Variants in ULK4 observed in about 807,000 individuals in gnomAD.
The protein encoded by ULK4 is inactive serine/threonine-protein kinase ULK4.
A neutral mutation model predicts 160.6 loss-of-function variants in ULK4; 133 were observed. The observed-to-expected ratio is 0.83, with a 90% CI of 0.72 to 0.96. ULK4 has a LOEUF of 0.96. Among genes scored for constraint, ULK4 ranks in the 40% least tolerant of loss-of-function variants. The pLI is 0.00. For synonymous variants in ULK4, 534 were observed against 539.8 expected, an observed-to-expected ratio of 0.99 and a Z score of 0.15; for missense variants, 1,580 against 1,499.5, an observed-to-expected ratio of 1.05 and a Z score of -0.89.
At chr3:41,590,443 C>T (rs2031204262) in intron 31 of ULK4, among the ~76,000 whole-genome samples, 1 of 136,246 alleles carries the variant, frequency 7.3e-6, no homozygotes. Flanking sequence ...TGGTAAAACC[C>T]CGTCTCTACT....
intron 22 of ULK4, among the ~76,000 whole-genome samples, chr3:41,732,645 A>G (rs1045575154): frequency 2.0e-5 from 3 of 152,296 alleles, no homozygotes; most frequent in South Asian, 2.1e-4. Flanking sequence ...ATAATTCAAT[A>G]TATCAAAGGA....
intron 22 of ULK4, among the ~76,000 whole-genome samples, chr3:41,738,813 C>G (rs183752522): frequency 6.6e-6 from 1 of 151,988 alleles, no homozygotes; most frequent in Non-Finnish European, 1.5e-5. Context: ...CTCTCATTAT[C>G]TGAAGAATTC....
At chr3:41,910,433 A>G (rs560452319) in intron 11 of ULK4, among the ~76,000 whole-genome samples, 5 of 152,092 alleles carry the variant, frequency 3.3e-5, no homozygotes, top group African/African-American at 1.2e-4. Flanking sequence ...GTCTCTACTA[A>G]AAATACAAAA....
intron 17 of ULK4, among the ~76,000 whole-genome samples, chr3:41,850,623 T>C (rs1441165581): frequency 2.0e-5 from 3 of 150,416 alleles, no homozygotes; most frequent in Non-Finnish European, 4.4e-5. Flanking sequence ...TTGAGAAGAG[T>C]CTGTTAATAT....
chr3:41,684,220 C>A (rs2036025040), intron 27 of ULK4, among the ~76,000 whole-genome samples: 1 of 152,208 alleles, frequency 6.6e-6, no homozygotes, highest in Non-Finnish European at 1.5e-5. Flanking sequence ...ACCCAGAAAT[C>A]TGGCATGCGA....
chr3:41,647,287 A>G (rs1425432241), intron 30 of ULK4, among the ~76,000 whole-genome samples: 1 of 152,026 alleles, frequency 6.6e-6, no homozygotes, highest in African/African-American at 2.4e-5. Flanking sequence ...TAGAGTTTCC[A>G]GTTTTTCTGC....
intron 36 of ULK4, among the ~76,000 whole-genome samples, chr3:41,248,930 G>A (rs1300004284): frequency 6.6e-6 from 1 of 152,342 alleles, no homozygotes; most frequent in South Asian, 2.1e-4. Flanking sequence ...GGACTGGGAG[G>A]CTAGCCTAAC....
intron 34 of ULK4, among the ~76,000 whole-genome samples, chr3:41,420,909 T>TTTGAG (rs1190548558): frequency 6.6e-6 from 1 of 150,514 alleles, no homozygotes; most frequent in East Asian, 2.0e-4. Flanking sequence ...AGGTAAGGAG[T>TTTGAG]TTGAGACCAG....
intron 25 of ULK4, among the ~76,000 whole-genome samples, chr3:41,711,170 G>A (rs2037082586): frequency 1.3e-5 from 2 of 152,186 alleles, no homozygotes; most frequent in African/African-American, 4.8e-5. Flanking sequence ...GCAAGGAGAG[G>A]CTCTTGGTGA....
intron 17 of ULK4, among the ~76,000 whole-genome samples, chr3:41,843,836 G>A (rs1401292471): frequency 1.3e-5 from 2 of 152,038 alleles, no homozygotes; most frequent in African/African-American, 4.8e-5. Context: ...AGAGCCGAGT[G>A]GTCTGTTTTG....
intron 27 of ULK4, among the ~76,000 whole-genome samples, chr3:41,690,254 A>C (rs978331109): frequency 2.0e-5 from 3 of 151,212 alleles, no homozygotes; most frequent in Admixed American, 2.0e-4. Context: ...GAACACATGG[A>C]CACAGGAAGG....
intron 30 of ULK4, among the ~76,000 whole-genome samples, chr3:41,643,280 GA>G (rs1009611802): frequency 4.2e-4 from 64 of 152,216 alleles, no homozygotes; most frequent in Middle Eastern, 3.4e-3. Flanking sequence ...CCTATGTCCT[GA>G]ATGGTAATGC....
chr3:41,905,627 TA>T (rs1239076689), intron 12 of ULK4, among the ~76,000 whole-genome samples: 2 of 151,892 alleles, frequency 1.3e-5, no homozygotes, highest in Non-Finnish European at 2.9e-5. Context: ...AACTAAATAA[TA>T]AAGAGATAAA....
At chr3:41,638,031 A>G (rs781695738) in intron 30 of ULK4, among the ~76,000 whole-genome samples, 2 of 152,120 alleles carry the variant, frequency 1.3e-5, no homozygotes, top group Non-Finnish European at 2.9e-5. Context: ...GAAGTTTTCT[A>G]GGTTGATGGA....
At chr3:41,856,536 T>TATATATACACATATATATATATATACAC (rs1559610893) in intron 17 of ULK4, among the ~76,000 whole-genome samples, 55 of 97,610 alleles carry the variant, frequency 5.6e-4, no homozygotes, top group Non-Finnish European at 9.6e-4. Flanking sequence ...TATATATGTA[T>TATATATACACATATATATATATATACAC]GTATATATAT....
At chr3:41,288,955 C>T (rs774809258) in intron 35 of ULK4, among the ~76,000 whole-genome samples, 1 of 152,186 alleles carries the variant, frequency 6.6e-6, no homozygotes, top group Non-Finnish European at 1.5e-5. Context: ...AGCAGGCACA[C>T]GGCAGGCCCC....
chr3:41,548,909 C>G (rs1176184524), intron 32 of ULK4, among the ~76,000 whole-genome samples: 1 of 152,132 alleles, frequency 6.6e-6, no homozygotes, highest in Admixed American at 6.5e-5. Flanking sequence ...TCCTAAGCCA[C>G]AGAGGAAATC....
At chr3:41,645,575 G>C (rs1269511986) in intron 30 of ULK4, among the ~76,000 whole-genome samples, 1 of 152,140 alleles carries the variant, frequency 6.6e-6, no homozygotes, top group Middle Eastern at 3.4e-3. Flanking sequence ...TATAATTTCT[G>C]TTCTTTTACA....
chr3:41,281,539 A>C (rs1045946306), intron 35 of ULK4, among the ~76,000 whole-genome samples: 4 of 152,208 alleles, frequency 2.6e-5, no homozygotes, highest in African/African-American at 9.6e-5. Flanking sequence ...AACAGAACCA[A>C]CAACAAAAAT....
Sources: gnomAD v4.1 joint callset for allele counts (sites outside exome capture counted in the v4.1 genomes callset) on GRCh38, gnomAD v4.1.1 for gene constraint, MANE v1.5 for transcripts, NCBI Gene and HGNC (gene_info 2026-07-23, HGNC 2026-07-21) for gene names.